GPR158: variants seen among roughly 807,000 people sequenced by gnomAD.
GPR158 encodes G protein-coupled receptor 158.
In GPR158, 30 loss-of-function variants were observed where a neutral mutation model predicts 78.2. The observed-to-expected ratio is 0.38, with a 90% confidence interval of 0.29 to 0.52. The LOEUF (loss-of-function observed/expected upper bound fraction) is 0.52, where lower values mean the gene tolerates loss of function less well. GPR158 is among the 20% of genes least tolerant of loss of function. The pLI, the probability that GPR158 is intolerant of heterozygous loss-of-function variation, is 0.83. For missense variants in GPR158, 1,463 were observed against 1,523.5 expected (o/e 0.96, Z 0.66); for synonymous variants, 581 against 591.1 (o/e 0.98, Z 0.25).
chr10:25,419,496 C>A (rs529304705), intron 4 of GPR158, among the ~76,000 whole-genome samples: 20 of 152,170 alleles, frequency 1.3e-4, no homozygotes, highest in Non-Finnish European at 2.2e-4. Context: ...GTTTTAAATT[C>A]TTTTGCTATA....
At chr10:25,353,998 C>T (rs933977763) in intron 2 of GPR158, among the ~76,000 whole-genome samples, 20 of 151,916 alleles carry the variant, frequency 1.3e-4, no homozygotes, top group Middle Eastern at 3.2e-3. Context: ...TTTAGTGAAT[C>T]TATTATAGGG....
chr10:25,246,835 C>A (rs988430785), intron 2 of GPR158, among the ~76,000 whole-genome samples: 1 of 152,262 alleles, frequency 6.6e-6, no homozygotes, highest in Non-Finnish European at 1.5e-5. Context: ...GCATGAGATC[C>A]TTTTCATAGT....
chr10:25,434,943 AT>A (rs36104560), intron 4 of GPR158, among the ~76,000 whole-genome samples: 106,316 of 152,014 alleles, frequency 0.7, 38,189 homozygotes, highest in Non-Finnish European at 0.8. Context: ...ATATATATGC[AT>A]TAGATGTTAG....
intron 2 of GPR158, among the ~76,000 whole-genome samples, chr10:25,292,344 A>G (rs906409763): frequency 1.3e-5 from 2 of 152,142 alleles, no homozygotes; most frequent in African/African-American, 2.4e-5. Context: ...TTTACTTTAG[A>G]CAGTCTCTTT....
At chr10:25,464,590 G>A (rs1835397767) in intron 4 of GPR158, among the ~76,000 whole-genome samples, 1 of 152,244 alleles carries the variant, frequency 6.6e-6, no homozygotes. Context: ...CGTTTTATGG[G>A]TGAGACCATT....
At chr10:25,295,476 G>C (rs113697799) in intron 2 of GPR158, among the ~76,000 whole-genome samples, 9,966 of 151,760 alleles carry the variant, frequency 0.066, 953 homozygotes, top group African/African-American at 0.22. Flanking sequence ...TGCAGTGGTG[G>C]GATCTCGGCT....
chr10:25,551,196 A>T (rs759210982), intron 6 of GPR158, 111 bp downstream of exon 6: 1 of 698,612 alleles, frequency 1.4e-6, no homozygotes, highest in African/African-American at 1.8e-5. Flanking sequence ...AAGAATTTAC[A>T]TAGCAAGATA....
chr10:25,253,367 A>G (rs1039681688), intron 2 of GPR158, among the ~76,000 whole-genome samples: 9 of 151,872 alleles, frequency 5.9e-5, no homozygotes, highest in African/African-American at 1.7e-4. Flanking sequence ...ATAATGGGGG[A>G]GGTGTCCCTC....
intron 5 of GPR158, among the ~76,000 whole-genome samples, chr10:25,466,926 T>C (rs1217045224): frequency 2.6e-5 from 4 of 152,166 alleles, no homozygotes; most frequent in African/African-American, 9.7e-5. Flanking sequence ...AGGAAGTTGT[T>C]GATTAAAAGA....
intron 1 of GPR158, among the ~76,000 whole-genome samples, chr10:25,208,253 G>T (rs1331322639): frequency 2.6e-5 from 4 of 152,142 alleles, no homozygotes; most frequent in African/African-American, 9.7e-5. Context: ...CAAACATACA[G>T]AGATTGTTTT....
At chr10:25,579,433 C>T (rs1481064257) in intron 7 of GPR158, among the ~76,000 whole-genome samples, 1 of 151,954 alleles carries the variant, frequency 6.6e-6, no homozygotes, top group Non-Finnish European at 1.5e-5. Flanking sequence ...GTATGGGGGA[C>T]CCAAATTTAA....
chr10:25,363,377 G>A lies in GPR158; in HGVS notation c.1009-32534G>A, dbSNP rs148503174. On this transcript the variant is annotated intron_variant, in intron 2 of 10. Coordinates refer to ENST00000376351, the MANE Select transcript of GPR158 (RefSeq NM_020752.3). ...TTTAATTCATATGACTAAGCATTCT[G>A]TTGATTAAACCACACTCTGCCACTT... Among the ~76,000 whole-genome samples the A allele has an allele frequency of 9.9e-5, 15 of 152,000 alleles. No individual in the cohort carries two copies. The East Asian group carries it at 2.7e-3, about 28-fold the overall frequency.
At chr10:25,505,339 G>A (rs753798805) in intron 5 of GPR158, among the ~76,000 whole-genome samples, 3 of 152,122 alleles carry the variant, frequency 2.0e-5, no homozygotes, top group African/African-American at 4.8e-5. Context: ...TTAACATAAA[G>A]GCAGACAAAT....
chr10:25,566,769 G>A (rs12245398), intron 6 of GPR158, among the ~76,000 whole-genome samples: 39,100 of 152,092 alleles, frequency 0.26, 9,492 homozygotes, highest in African/African-American at 0.61. Context: ...CTTTTTAGGT[G>A]TTTATCTAAA....
At chr10:25,412,849 A>C (rs1834611461) in intron 4 of GPR158, among the ~76,000 whole-genome samples, 1 of 152,154 alleles carries the variant, frequency 6.6e-6, no homozygotes, top group African/African-American at 2.4e-5. Context: ...TTCTTTTCTT[A>C]GTTGTGTTTA....
intron 2 of GPR158, among the ~76,000 whole-genome samples, chr10:25,312,947 G>T (rs959522044): frequency 6.6e-6 from 1 of 152,100 alleles, no homozygotes; most frequent in South Asian, 2.1e-4. Flanking sequence ...AGTAGAAAAA[G>T]CAATAATATC....
chr10:25,573,177 C>T (rs1335193), intron 7 of GPR158, among the ~76,000 whole-genome samples: 70,909 of 151,998 alleles, frequency 0.47, 17,017 homozygotes, highest in African/African-American at 0.54. Flanking sequence ...GCTTACTTTT[C>T]TCATTCTTAT....
intron 1 of GPR158, among the ~76,000 whole-genome samples, chr10:25,220,555 G>C (rs1310214698): frequency 1.3e-5 from 2 of 152,208 alleles, no homozygotes; most frequent in African/African-American, 2.4e-5. Context: ...CTAAAGAGCT[G>C]TTTAGAGTTA....
intron 5 of GPR158, among the ~76,000 whole-genome samples, chr10:25,528,872 A>C (rs1254150512): frequency 6.6e-6 from 1 of 152,218 alleles, no homozygotes; most frequent in Non-Finnish European, 1.5e-5. Flanking sequence ...AATTACTCTA[A>C]AGTTACAGGA....
Sources: allele counts gnomAD v4.1 joint callset (sites outside exome capture counted in the v4.1 genomes callset), GRCh38; gene constraint gnomAD v4.1.1; transcripts MANE v1.5; gene names NCBI Gene and HGNC (gene_info 2026-07-23, HGNC 2026-07-21).